PHF14: variants seen among roughly 807,000 people sequenced by gnomAD.
PHF14 encodes the protein PHD finger protein 14.
A neutral mutation model predicts 117.9 loss-of-function variants in PHF14; 55 were observed. The observed-to-expected ratio is 0.47, with a 90% confidence interval of 0.38 to 0.58. The LOEUF (loss-of-function observed/expected upper bound fraction) is 0.58, where lower values mean the gene tolerates loss of function less well. Ranked by LOEUF, PHF14 falls within the 20% of genes least tolerant of loss-of-function variation. PHF14 has a pLI of 0.00. For synonymous variants in PHF14, 409 were observed against 368.6 expected, an observed-to-expected ratio of 1.11 and a Z score of -1.26; for missense variants, 978 against 1,122.2, an observed-to-expected ratio of 0.87 and a Z score of 1.84.
At chr7:11,047,835 A>G (rs1303648466) in intron 13 of PHF14, among the ~76,000 whole-genome samples, 1 of 120,408 alleles carries the variant, frequency 8.3e-6, no homozygotes, top group East Asian at 3.0e-4. Flanking sequence ...GGAAAGAAGG[A>G]AGGAAAGAAG....
chr7:11,113,063 G>C (rs1166572005), intron 17 of PHF14, among the ~76,000 whole-genome samples: 4 of 151,802 alleles, frequency 2.6e-5, no homozygotes, highest in Non-Finnish European at 5.9e-5. Context: ...GTTTTTTTAA[G>C]TGCATTTTTT....
chr7:11,036,378 T>C, intron 8 of PHF14, 40 bp from the exon 9 acceptor site: 2 of 1,471,176 alleles, frequency 1.4e-6, no homozygotes, highest in East Asian at 2.5e-5. Flanking sequence ...ACATGTTTCA[T>C]TTTATTATCT....
At chr7:11,051,908 C>T (rs933791147) in intron 14 of PHF14, 128 bp downstream of exon 14, 4 of 723,356 alleles carry the variant, frequency 5.5e-6, no homozygotes, top group Non-Finnish European at 8.8e-6. Flanking sequence ...TTATTCTTAA[C>T]AATTTTTTTT....
At chr7:11,114,329 T>C (rs575379416) in intron 17 of PHF14, among the ~76,000 whole-genome samples, 2 of 152,228 alleles carry the variant, frequency 1.3e-5, no homozygotes, top group Admixed American at 6.5e-5. Context: ...CTCTAAAATA[T>C]TGCTATTTAT....
At chr7:11,085,802 A>C (rs1014676626) in intron 16 of PHF14, among the ~76,000 whole-genome samples, 1 of 151,846 alleles carries the variant, frequency 6.6e-6, no homozygotes, top group Non-Finnish European at 1.5e-5. Context: ...CAGTCCTTCC[A>C]CCTTGGCCTC....
chr7:11,059,945 A>C (rs1785158277), intron 14 of PHF14, among the ~76,000 whole-genome samples: 2 of 152,068 alleles, frequency 1.3e-5, no homozygotes, highest in African/African-American at 4.8e-5. Context: ...ATCATGTCTC[A>C]CTGCAGCCTA....
chr7:11,075,806 CTG>C (rs1785826777), intron 16 of PHF14, among the ~76,000 whole-genome samples: 2 of 151,768 alleles, frequency 1.3e-5, no homozygotes, highest in South Asian at 4.2e-4. Flanking sequence ...GATGAGGAAA[CTG>C]AAGAATAGAG....
chr7:11,126,021 T>C (rs1202558145), intron 17 of PHF14, among the ~76,000 whole-genome samples: 2 of 152,126 alleles, frequency 1.3e-5, no homozygotes, highest in Admixed American at 6.6e-5. Flanking sequence ...GTGTTCACTT[T>C]CGTGTTCTTG....
At chr7:11,083,482 T>TTA in intron 16 of PHF14, among the ~76,000 whole-genome samples, 1 of 150,398 alleles carries the variant, frequency 6.6e-6, no homozygotes, top group Admixed American at 6.6e-5. Context: ...TTTTTTTTTT[T>TTA]TTTGATACAG....
intron 16 of PHF14, among the ~76,000 whole-genome samples, chr7:11,080,586 C>G (rs550903179): frequency 6.6e-6 from 1 of 152,230 alleles, no homozygotes; most frequent in South Asian, 2.1e-4. Context: ...GCTGGTTTTT[C>G]TCCCTGATGT....
At chr7:11,014,353 A>G (rs1026997162) in intron 5 of PHF14, among the ~76,000 whole-genome samples, 3 of 152,168 alleles carry the variant, frequency 2.0e-5, no homozygotes, top group Admixed American at 6.5e-5. Flanking sequence ...GTGATAAAAG[A>G]GTCACTATAA....
intron 16 of PHF14, among the ~76,000 whole-genome samples, chr7:11,074,431 C>T (rs765416948): frequency 6.6e-6 from 1 of 152,054 alleles, no homozygotes; most frequent in African/African-American, 2.4e-5. Context: ...AGGATGGTCT[C>T]GATCTCCTGA....
intron 13 of PHF14, among the ~76,000 whole-genome samples, chr7:11,050,484 C>G (rs1043756019): frequency 1.3e-5 from 2 of 152,010 alleles, no homozygotes; most frequent in Non-Finnish European, 2.9e-5. Context: ...ATAAAGATTT[C>G]CAGCAGTTGT....
At chr7:10,983,258 A>T in intron 3 of PHF14, 99 bp downstream of exon 3, 2 of 1,344,138 alleles carry the variant, frequency 1.5e-6, no homozygotes, top group South Asian at 3.0e-5. Flanking sequence ...TTGAAATCCT[A>T]TTTATAGACG....
Position 11,016,732 on chromosome 7 carries a change from A to G in PHF14, c.1205+2826A>G, listed in dbSNP as rs1783546827. On this transcript the variant is annotated intron_variant, in intron 5 of 17. Coordinates refer to ENST00000634607, the MANE Select transcript of PHF14 (RefSeq NM_001007157.2). ...CCATTTCTCAAACACTTGTCTTTTG[A>G]GTTACAAACAATCCAGTTACCCTCT... Among the ~76,000 whole-genome samples the G allele has an allele frequency of 2.0e-5, 3 of 152,248 alleles. No individual in the cohort carries two copies. The South Asian group carries it at 6.2e-4, about 32-fold the overall frequency.
chr7:10,974,969 C>G (rs1366987690), intron 2 of PHF14, 24 bp downstream of exon 2: 1 of 1,155,276 alleles, frequency 8.7e-7, no homozygotes, highest in South Asian at 1.3e-5. Flanking sequence ...TCTCTCTTCC[C>G]CTTTCCCAGC....
intron 4 of PHF14, among the ~76,000 whole-genome samples, chr7:11,011,391 T>C (rs1420766657): frequency 6.6e-6 from 1 of 152,206 alleles, no homozygotes; most frequent in Non-Finnish European, 1.5e-5. Context: ...TGATCTTACA[T>C]TGGATATATA....
chr7:11,116,059 T>C (rs1787594167), intron 17 of PHF14, among the ~76,000 whole-genome samples: 1 of 152,040 alleles, frequency 6.6e-6, no homozygotes, highest in Non-Finnish European at 1.5e-5. Context: ...AAAAATATCC[T>C]ATTCCTCATC....
At chr7:11,117,595 A>T (rs967817820) in intron 17 of PHF14, among the ~76,000 whole-genome samples, 1 of 151,242 alleles carries the variant, frequency 6.6e-6, no homozygotes, top group African/African-American at 2.4e-5. Flanking sequence ...ATATGTATTT[A>T]TATGTATAAA....
Sources: allele counts gnomAD v4.1 joint callset (sites outside exome capture counted in the v4.1 genomes callset), GRCh38; gene constraint gnomAD v4.1.1; transcripts MANE v1.5; gene names NCBI Gene and HGNC (gene_info 2026-07-23, HGNC 2026-07-21).